The following ARHGAP44 variants were observed in gnomAD, a reference collection of about 807,000 sequenced individuals.
The protein encoded by ARHGAP44 is Rho GTPase activating protein 44.
ARHGAP44 carries 43 observed loss-of-function variants against 106.8 expected under a neutral mutation model. The ratio of observed to expected loss-of-function variants is 0.40; its 90% CI spans 0.32 to 0.52. ARHGAP44 has a LOEUF of 0.52. ARHGAP44 is among the 20% of genes least tolerant of loss of function. The probability of loss-of-function intolerance (pLI) is 0.48; values close to 1 mark genes in which losing one functional copy is unlikely to be tolerated. For synonymous variants in ARHGAP44, 439 were observed against 410.3 expected, an observed-to-expected ratio of 1.07 and a Z score of -0.85; for missense variants, 866 against 1,050.5, an observed-to-expected ratio of 0.82 and a Z score of 2.43.
intron 3 of ARHGAP44, among the ~76,000 whole-genome samples, chr17:12,902,564 G>C (rs1047448990): frequency 2.6e-5 from 4 of 152,176 alleles, no homozygotes; most frequent in African/African-American, 9.7e-5. Context: ...TGCCCCAGCA[G>C]GGCAATGGTA....
At chr17:12,988,699 G>A (rs967943466) in intron 20 of ARHGAP44, 2 of 152,126 alleles carry the variant, frequency 1.3e-5, no homozygotes, top group African/African-American at 2.4e-5. Context: ...CACTTAGTAT[G>A]GTATTCCCCA....
intron 6 of ARHGAP44, 34 bp from the exon 7 acceptor site, chr17:12,928,895 G>A: frequency 1.3e-6 from 2 of 1,572,148 alleles, no homozygotes; most frequent in South Asian, 1.2e-5. Flanking sequence ...GGCTCTACCT[G>A]TCTCACATCT....
At chr17:12,947,812 G>T (rs780649904) in intron 10 of ARHGAP44, among the ~76,000 whole-genome samples, 2 of 152,164 alleles carry the variant, frequency 1.3e-5, no homozygotes, top group African/African-American at 4.8e-5. Context: ...TGTCTTTGTC[G>T]TAGCAGCCTT....
intron 8 of ARHGAP44, 105 bp from the exon 9 acceptor site, chr17:12,943,483 C>A: frequency 2.1e-6 from 2 of 968,070 alleles, no homozygotes; most frequent in African/African-American, 1.6e-5. Context: ...GGGTGACTAC[C>A]TCCTTCCGCA....
chr17:12,797,509 C>A (rs1268617279), intron 1 of ARHGAP44, among the ~76,000 whole-genome samples: 2 of 152,178 alleles, frequency 1.3e-5, no homozygotes, highest in East Asian at 3.8e-4. Context: ...ACGGGCTCAG[C>A]TACCCAGATA....
chr17:12,844,328 C>T (rs9911525), intron 1 of ARHGAP44, among the ~76,000 whole-genome samples: 1 of 151,920 alleles, frequency 6.6e-6, no homozygotes, highest in Non-Finnish European at 1.5e-5. Flanking sequence ...CATAACATGG[C>T]GGAAGGGGAA....
intron 1 of ARHGAP44, among the ~76,000 whole-genome samples, chr17:12,791,089 G>C: frequency 6.6e-6 from 1 of 152,186 alleles, no homozygotes. Context: ...TCCCGTCTGA[G>C]CATACTGCCC....
At chr17:12,986,696 AAAAAAAGAAT>A (rs1199108782) in intron 20 of ARHGAP44, 13 of 150,316 alleles carry the variant, frequency 8.6e-5, no homozygotes, top group Admixed American at 2.7e-4. Context: ...AAAAAAAAAA[AAAAAAAGAAT>A]GAGCAGAAGA....
chr17:12,990,399 A>C lies in ARHGAP44; in HGVS notation c.*228A>C. The C allele has an allele frequency of 5.8e-6, 3 of 519,012 alleles. No individual in the cohort carries two copies. Among genetic ancestry groups the C allele is most frequent in the South Asian group, 2.6e-5 (1 of 38,082 alleles). The allele number at this position is 519,012 out of a possible 1,614,324, so 32.2% of individuals were successfully genotyped here. A position where few individuals can be genotyped will look rare whatever the true frequency, so the allele number is the denominator to read the frequency against. On this transcript the variant is annotated 3_prime_UTR_variant, in exon 21 of 21. Transcript: ENST00000379672. ...GGTGGTGACTTCGGCCTTTTGTTTG[A>C]CCTTTGCCTTTTGACTTTGTGCCTC... is the stretch of plus-strand genomic sequence containing the variant.
chr17:12,962,978 G>A (rs559385750), intron 16 of ARHGAP44, among the ~76,000 whole-genome samples: 3 of 150,280 alleles, frequency 2.0e-5, no homozygotes, highest in East Asian at 3.9e-4. Context: ...CCAGGGAGGC[G>A]GAGGTTGCAG....
chr17:12,828,028 C>CAA lies in ARHGAP44; in HGVS notation c.53+38158_53+38159dup, dbSNP rs60301804. Reference sequence around the variant, plus strand: ...CTCCAGCCTGGGTGACTGGCCATCTCAAAAAAAAAAAAAAAAAAAAAAGTC... The same window carrying CAA: ...CTCCAGCCTGGGTGACTGGCCATCTCAAAAAAAAAAAAAAAAAAAAAAAAGTC... On this transcript the variant is annotated intron_variant, in intron 1 of 20. Transcript: ENST00000379672. Among the ~76,000 whole-genome samples, 172 of 73,534 alleles carry CAA rather than the reference C, an allele frequency of 2.3e-3. 1 individual carries two copies. Among genetic ancestry groups the CAA allele is most frequent in the Middle Eastern group, 8.8e-3 (1 of 114 alleles). The allele number at this position is 73,534 out of a possible 152,430, so 48.2% of individuals were successfully genotyped here.
chr17:12,793,580 C>T (rs1310260179), intron 1 of ARHGAP44, among the ~76,000 whole-genome samples: 5 of 152,188 alleles, frequency 3.3e-5, no homozygotes, highest in South Asian at 2.1e-4. Flanking sequence ...TGGTGGCGGG[C>T]GCCTGTAATC....
At chr17:12,859,258 A>T (rs1357594099) in intron 1 of ARHGAP44, among the ~76,000 whole-genome samples, 2 of 152,198 alleles carry the variant, frequency 1.3e-5, no homozygotes, top group Non-Finnish European at 2.9e-5. Flanking sequence ...CCTGGGACAG[A>T]TTCTCCCTCA....
intron 1 of ARHGAP44, among the ~76,000 whole-genome samples, chr17:12,857,431 G>A (rs954976114): frequency 2.6e-5 from 4 of 152,164 alleles, no homozygotes; most frequent in Non-Finnish European, 4.4e-5. Flanking sequence ...ATGCAAGAGA[G>A]CAAGAGTGTG....
intron 1 of ARHGAP44, among the ~76,000 whole-genome samples, chr17:12,893,817 GT>G (rs1432996475): frequency 6.6e-6 from 1 of 152,128 alleles, no homozygotes; most frequent in African/African-American, 2.4e-5. Flanking sequence ...GTTGGGGTTT[GT>G]TTTGTCTGAG....
chr17:12,958,698 A>T lies in ARHGAP44; in HGVS notation c.1343-19A>T. 2.5e-6 allele frequency: 4 copies of T among 1,611,844 alleles called. No homozygotes were observed. The highest frequency in any genetic ancestry group is 3.4e-6 in the Non-Finnish European group (4 of 1,178,346). ...GGCAGACCAAGAGTTCACATGTACC[A>T]ATTCTTTCTTCCCCGCAGAGATAGA... On this transcript the variant is annotated intron_variant, in intron 15 of 20. Coordinates refer to ENST00000379672, the MANE Select transcript of ARHGAP44 (RefSeq NM_014859.6). This position sits in a 1 kb window ranked among gnomAD's most constrained non-coding sequence, Gnocchi z 4.1.
At chr17:12,900,734 G>A (rs891561414) in intron 3 of ARHGAP44, among the ~76,000 whole-genome samples, 2 of 152,040 alleles carry the variant, frequency 1.3e-5, no homozygotes, top group Non-Finnish European at 2.9e-5. Context: ...TGCATTCGCT[G>A]CTCAGACCGT....
rs142789281 is a variant in ARHGAP44, at chr17:12,961,062, C to A, written c.1523+2165C>A. On this transcript the variant is annotated intron_variant, in intron 16 of 20. Transcript: ENST00000379672. ...TGGGTGATACAGCACTCCTGATATT[C>A]CTTCCCAGGTGTTTCTACCCCAAAG... Among the ~76,000 whole-genome samples the A allele has an allele frequency of 2.3e-3, 346 of 152,264 alleles. 1 individual carries two copies. The highest frequency in any genetic ancestry group is 7.6e-3 in the African/African-American group (316 of 41,550).
At chr17:12,863,557 A>G (rs1437640041) in intron 1 of ARHGAP44, among the ~76,000 whole-genome samples, 2 of 152,138 alleles carry the variant, frequency 1.3e-5, no homozygotes, top group Admixed American at 6.5e-5. Context: ...TAGTTCTAGA[A>G]TCTTTTTAAA....
Sources: gnomAD v4.1 joint callset for allele counts (sites outside exome capture counted in the v4.1 genomes callset) on GRCh38, gnomAD v4.1.1 for gene constraint, Gnocchi (gnomAD v3.1) non-coding constraint, MANE v1.5 for transcripts, NCBI Gene and HGNC (gene_info 2026-07-23, HGNC 2026-07-21) for gene names.